Variants in DCAF17 observed in about 807,000 individuals in gnomAD.
DCAF17 encodes DDB1 and CUL4 associated factor 17.
A neutral mutation model predicts 66.0 loss-of-function variants in DCAF17; 48 were observed. The ratio of observed to expected loss-of-function variants is 0.73; its 90% CI spans 0.58 to 0.92. The LOEUF (loss-of-function observed/expected upper bound fraction) is 0.92, where lower values mean the gene tolerates loss of function less well. Ranked by LOEUF, DCAF17 falls within the 40% of genes least tolerant of loss-of-function variation. The pLI, the probability that DCAF17 is intolerant of heterozygous loss-of-function variation, is 0.00. For missense variants in DCAF17, 562 were observed against 622.8 expected, an observed-to-expected ratio of 0.90 and a Z score of 1.04; for synonymous variants, 206 against 214.6, an observed-to-expected ratio of 0.96 and a Z score of 0.35.
intron 8 of DCAF17, among the ~76,000 whole-genome samples, chr2:171,464,976 A>G (rs1244172898): frequency 1.3e-5 from 2 of 152,156 alleles, no homozygotes; most frequent in African/African-American, 4.8e-5. Context: ...CAGGTGGATC[A>G]CTTGAGGTCA....
rs1313541086 is a variant in DCAF17 at position 171,443,631 on chromosome 2, A to T, written c.321+18A>T. On this transcript the variant is annotated intron_variant, in intron 3 of 13. Coordinates refer to ENST00000375255, the MANE Select transcript of DCAF17 (RefSeq NM_025000.4). ...GCCCAGTGGTAAGATTTGTTTTTAG[A>T]GCGTTTGTTTCTAAAGCATTTTTAG... 1 of 1,602,554 alleles carries T rather than the reference A, an allele frequency of 6.2e-7. No homozygotes were observed. The highest frequency in any genetic ancestry group is 1.7e-5 in the Admixed American group (1 of 59,964).
chr2:171,451,951 T>C (rs868192157), intron 5 of DCAF17, among the ~76,000 whole-genome samples: 35 of 152,304 alleles, frequency 2.3e-4, no homozygotes, highest in African/African-American at 8.2e-4. Context: ...AGTATTTCTA[T>C]ATTCTGGACT....
chr2:171,436,406 T>C (rs1693956050), intron 2 of DCAF17, among the ~76,000 whole-genome samples: 1 of 152,212 alleles, frequency 6.6e-6, no homozygotes, highest in Admixed American at 6.5e-5. Flanking sequence ...TGCCATACAC[T>C]TTTCTAAAGT....
intron 13 of DCAF17, 80 bp downstream of exon 13, chr2:171,480,273 C>A: frequency 6.5e-7 from 1 of 1,533,416 alleles, no homozygotes; most frequent in Non-Finnish European, 8.9e-7. Flanking sequence ...TTATTGTGTT[C>A]ATGTCAGTCC....
At chr2:171,475,481 A>G (rs1216244976) in intron 10 of DCAF17, among the ~76,000 whole-genome samples, 1 of 152,162 alleles carries the variant, frequency 6.6e-6, no homozygotes, top group East Asian at 1.9e-4. Flanking sequence ...TAAGAAGAGA[A>G]GGGGCTGGGC....
intron 3 of DCAF17, among the ~76,000 whole-genome samples, chr2:171,444,487 T>C (rs1051899873): frequency 1.3e-5 from 2 of 152,162 alleles, no homozygotes; most frequent in African/African-American, 4.8e-5. Context: ...ATGTATAAGA[T>C]AGATATGAAA....
At chr2:171,450,327 A>G (rs1298414327) in intron 5 of DCAF17, among the ~76,000 whole-genome samples, 3 of 152,176 alleles carry the variant, frequency 2.0e-5, no homozygotes, top group East Asian at 1.9e-4. Flanking sequence ...AGAAATCACC[A>G]CTAAAGAACT....
At position 171,434,431 on chromosome 2, in the gene DCAF17, C is replaced by T. The variant is rs1238829542; in HGVS notation, c.-147C>T. On this transcript the variant is annotated 5_prime_UTR_variant, in exon 1 of 14. Transcript: ENST00000375255. ...CCCTCGCCCCGCCGTCGGGTGCTCC[C>T]TGCCCGCCTCCCCGTGTCAGCTTTC... The T allele has an allele frequency of 2.1e-6, 3 of 1,412,724 alleles. No individual in the cohort carries two copies. In the African/African-American group the frequency reaches 4.3e-5, roughly 20 times the overall value. The allele number at this position is 1,412,724 out of a possible 1,614,324, so 87.5% of individuals were successfully genotyped here.
At position 171,483,581 on chromosome 2, in the gene DCAF17, C is replaced by G; in HGVS notation, c.*2467C>G. 2.2e-6 allele frequency: 1 copy of G among 454,036 alleles called. No homozygotes were observed. The highest frequency in any genetic ancestry group is 4.4e-6 in the Non-Finnish European group (1 of 226,780). 28.1% of individuals were successfully genotyped at this position (454,036 alleles called of 1,614,324 possible). ...TTTGTGCTACCTAGTGAGGAGATAC[C>G]GCTCTGTTTAGACAAATTAAGGCAC... On this transcript the variant is annotated 3_prime_UTR_variant, in exon 14 of 14. Transcript: ENST00000375255.
At chr2:171,443,013 T>A (rs1694395711) in intron 2 of DCAF17, 2 of 152,648 alleles carry the variant, frequency 1.3e-5, no homozygotes, top group African/African-American at 4.8e-5. Context: ...ACTCAACCTT[T>A]CTGAAAAGTA....
intron 6 of DCAF17, among the ~76,000 whole-genome samples, chr2:171,455,476 T>A (rs1012986950): frequency 1.2e-4 from 19 of 152,214 alleles, no homozygotes; most frequent in African/African-American, 4.3e-4. Context: ...TATATGTGCA[T>A]GTGTCTTTTA....
intron 2 of DCAF17, among the ~76,000 whole-genome samples, chr2:171,442,563 C>CAAAAAAAAAAAAA (rs1176443561): frequency 1.6e-5 from 1 of 60,632 alleles, no homozygotes; most frequent in African/African-American, 6.7e-5. Flanking sequence ...GACTCCATCT[C>CAAAAAAAAAAAAA]AAAAAAAAAA....
In DCAF17 at chr2:171,484,220, T is replaced by C. The variant is rs896270167; in HGVS notation, c.*3106T>C. 3.8e-5 allele frequency: 17 copies of C among 450,974 alleles called. No individual in the cohort carries two copies. The highest frequency in any genetic ancestry group is 3.0e-4 in the African/African-American group (15 of 49,852). 27.9% of individuals were successfully genotyped at this position (450,974 alleles called of 1,614,324 possible). A position where few individuals can be genotyped will look rare whatever the true frequency, so the allele number is the denominator to read the frequency against. On this transcript the variant is annotated 3_prime_UTR_variant, in exon 14 of 14. Coordinates refer to ENST00000375255, the MANE Select transcript of DCAF17 (RefSeq NM_025000.4). ...TTCTCCTTCTTACCATGTTTACTTA[T>C]ATCATCCATCTTTTAGAATCCCAGG...
chr2:171,458,227 A>G, intron 7 of DCAF17, 145 bp from the exon 8 acceptor site: 1 of 1,014,904 alleles, frequency 9.9e-7, no homozygotes, highest in Non-Finnish European at 1.5e-6. Flanking sequence ...AGTAACCTTT[A>G]AAGCAGGGGT....
At chr2:171,468,328 G>A (rs1281978000) in intron 8 of DCAF17, among the ~76,000 whole-genome samples, 2 of 152,060 alleles carry the variant, frequency 1.3e-5, no homozygotes, top group Non-Finnish European at 2.9e-5. Context: ...AGCTTTCATT[G>A]TGACAGGCCC....
At chr2:171,457,191 C>T (rs1405238833) in intron 6 of DCAF17, among the ~76,000 whole-genome samples, 2 of 152,190 alleles carry the variant, frequency 1.3e-5, no homozygotes, top group African/African-American at 4.8e-5. Flanking sequence ...AAATACAACT[C>T]ATAATTTAAT....
chr2:171,461,315 T>C (rs1695573445), intron 8 of DCAF17, among the ~76,000 whole-genome samples: 1 of 151,940 alleles, frequency 6.6e-6, no homozygotes, highest in Non-Finnish European at 1.5e-5. Flanking sequence ...TAATCTCAGC[T>C]ACTCAGGAGG....
In DCAF17 at chr2:171,481,125, A is replaced by G. The variant is rs974304955; in HGVS notation, c.*11A>G. On this transcript the variant is annotated 3_prime_UTR_variant, in exon 14 of 14. Transcript: ENST00000375255. The stretch of plus-strand genomic sequence containing the variant: ...AACAGAAGCTGTTAAAAAGAGTGAG[A>G]TAATTGTAACCTAAGAGACTTTTAG... 10 of 1,613,290 alleles carry G rather than the reference A, an allele frequency of 6.2e-6. No homozygotes were observed. In the African/African-American group the frequency reaches 9.3e-5, roughly 15 times the overall value.
At chr2:171,459,169 G>T (rs1017309244) in intron 8 of DCAF17, among the ~76,000 whole-genome samples, 2 of 152,134 alleles carry the variant, frequency 1.3e-5, no homozygotes, top group African/African-American at 4.8e-5. Flanking sequence ...TTAGCCAGGC[G>T]TGGTGGCACA....
Sources: gnomAD v4.1 joint callset for allele counts (sites outside exome capture counted in the v4.1 genomes callset) on GRCh38, gnomAD v4.1.1 for gene constraint, MANE v1.5 for transcripts, NCBI Gene and HGNC (gene_info 2026-07-23, HGNC 2026-07-21) for gene names.